Variants in FYN observed in about 807,000 individuals in gnomAD.
FYN encodes tyrosine-protein kinase Fyn.
In FYN, 10 loss-of-function variants were observed where a neutral mutation model predicts 70.2. The ratio of observed to expected loss-of-function variants is 0.14; its 90% CI spans 0.09 to 0.24. The LOEUF is 0.24. Ranked by LOEUF, FYN falls within the 10% of genes least tolerant of loss-of-function variation. The pLI, the probability that FYN is intolerant of heterozygous loss-of-function variation, is 1.00. For synonymous variants in FYN, 236 were observed against 248.6 expected (o/e 0.95, Z 0.48); for missense variants, 319 against 673.1 (o/e 0.47, Z 5.82).
intron 1 of FYN, chr6:111,858,218 G>A (rs531746344): frequency 2.0e-5 from 3 of 152,304 alleles, no homozygotes; most frequent in African/African-American, 7.2e-5. Context: ...CTACAAGGTG[G>A]TTTCCTTCCA....
At chr6:111,741,479 T>C (rs1276160465) in intron 3 of FYN, among the ~76,000 whole-genome samples, 1 of 152,136 alleles carries the variant, frequency 6.6e-6, no homozygotes, top group Non-Finnish European at 1.5e-5. Context: ...ATGTTGAGTT[T>C]TGGATGGTTT....
intron 10 of FYN, among the ~76,000 whole-genome samples, chr6:111,695,567 C>T (rs6903380): frequency 2.7e-3 from 408 of 152,068 alleles, no homozygotes; most frequent in South Asian, 7.7e-3. Flanking sequence ...AAGGACAAAC[C>T]GTTTGCCAGA....
chr6:111,798,288 C>G (rs762402225), intron 2 of FYN: 10 of 152,198 alleles, frequency 6.6e-5, no homozygotes, highest in Non-Finnish European at 4.4e-5. Flanking sequence ...CTCAACCACA[C>G]TGGCACATGT....
At chr6:111,688,712 A>G (rs1278570131) in intron 12 of FYN, among the ~76,000 whole-genome samples, 3 of 152,188 alleles carry the variant, frequency 2.0e-5, no homozygotes, top group Non-Finnish European at 4.4e-5. Flanking sequence ...AATGCTGAGA[A>G]GGCCCATCTG....
chr6:111,693,036 G>A (rs1459815689), intron 12 of FYN, among the ~76,000 whole-genome samples: 1 of 152,202 alleles, frequency 6.6e-6, no homozygotes, highest in African/African-American at 2.4e-5. Flanking sequence ...CACGTGTTGG[G>A]GAAATTCAAA....
At chr6:111,677,427 C>A (rs1034399115) in intron 12 of FYN, among the ~76,000 whole-genome samples, 4 of 152,212 alleles carry the variant, frequency 2.6e-5, no homozygotes, top group Non-Finnish European at 4.4e-5. Flanking sequence ...TGGCTTCCCA[C>A]CTCCTGAGGG....
rs939651820 is a variant in FYN, at chr6:111,692,103, C to CG, written c.1273+2271_1273+2272insC. On this transcript the variant is annotated intron_variant, in intron 12 of 13. Coordinates refer to ENST00000354650, the MANE Select transcript of FYN (RefSeq NM_002037.5). Reference sequence around the variant, plus strand: ...GACCTGCCTTGCCAAGCTTCATTTCCCCCCCCCCCAGTTCAGCTCTCCAGT... The same window carrying CG: ...GACCTGCCTTGCCAAGCTTCATTTCCGCCCCCCCCCAGTTCAGCTCTCCAGT... 3.6e-5 allele frequency among the ~76,000 whole-genome samples: 5 copies of CG among 139,000 alleles called. No homozygotes were observed. In the South Asian group the frequency reaches 7.6e-4, roughly 21 times the overall value. 91.2% of individuals were successfully genotyped at this position (139,000 alleles called of 152,430 possible). A position where few individuals can be genotyped will look rare whatever the true frequency, so the allele number is the denominator to read the frequency against.
At chr6:111,743,170 T>C (rs537060873) in intron 3 of FYN, among the ~76,000 whole-genome samples, 7 of 152,124 alleles carry the variant, frequency 4.6e-5, no homozygotes, top group Non-Finnish European at 1.0e-4. Flanking sequence ...TTTGGTTATG[T>C]TGGCCAGGCT....
At chr6:111,662,174 G>A (rs899284822) in intron 13 of FYN, among the ~76,000 whole-genome samples, 6 of 152,168 alleles carry the variant, frequency 3.9e-5, no homozygotes, top group African/African-American at 1.4e-4. Context: ...ATAAGTGAAG[G>A]AAGCCAGACA....
At chr6:111,718,437 C>T (rs1302507493) in intron 4 of FYN, among the ~76,000 whole-genome samples, 1 of 152,168 alleles carries the variant, frequency 6.6e-6, no homozygotes, top group Non-Finnish European at 1.5e-5. Context: ...ACGGTGGAGA[C>T]CCACATGCTC....
At chr6:111,850,376 TAGACACATCTTCAC>T (rs1773651381) in intron 1 of FYN, among the ~76,000 whole-genome samples, 1 of 152,260 alleles carries the variant, frequency 6.6e-6, no homozygotes, top group Non-Finnish European at 1.5e-5. Flanking sequence ...TGTACATTGC[TAGACACATCTTCAC>T]AGATTCACAT....
chr6:111,689,800 G>A (rs1054388738), intron 12 of FYN, among the ~76,000 whole-genome samples: 2 of 152,172 alleles, frequency 1.3e-5, no homozygotes, highest in African/African-American at 4.8e-5. Context: ...GGAATAAGGG[G>A]TCTTCTGGAG....
chr6:111,662,070 T>TC, intron 13 of FYN, 123 bp from the exon 14 acceptor site: 3 of 731,256 alleles, frequency 4.1e-6, no homozygotes, highest in South Asian at 1.9e-5. Flanking sequence ...AGTACTCCCA[T>TC]CCCCCCAGGA....
chr6:111,760,112 T>C (rs928486598), intron 3 of FYN, among the ~76,000 whole-genome samples: 2 of 152,000 alleles, frequency 1.3e-5, no homozygotes, highest in East Asian at 1.9e-4. Context: ...GCGTCACCCA[T>C]ACCGTACTGT....
At chr6:111,820,887 C>T (rs9372313) in intron 2 of FYN, among the ~76,000 whole-genome samples, 6,328 of 152,152 alleles carry the variant, frequency 0.042, 167 homozygotes, top group East Asian at 0.14. Flanking sequence ...AGCTATAAAA[C>T]GATCCTATTT....
At chr6:111,726,835 C>G (rs568279375) in intron 3 of FYN, among the ~76,000 whole-genome samples, 1 of 152,140 alleles carries the variant, frequency 6.6e-6, no homozygotes, top group Non-Finnish European at 1.5e-5. Flanking sequence ...ATGCTGTTCT[C>G]GTGATAGTGA....
intron 3 of FYN, among the ~76,000 whole-genome samples, chr6:111,724,794 C>G (rs77157769): frequency 0.011 from 1,667 of 152,264 alleles, 24 homozygotes; most frequent in African/African-American, 0.036. Context: ...CTCCAGCAGA[C>G]TTTGGAGAGT....
chr6:111,856,322 A>G (rs1222209326), intron 1 of FYN, among the ~76,000 whole-genome samples: 1 of 152,222 alleles, frequency 6.6e-6, no homozygotes, highest in Non-Finnish European at 1.5e-5. Context: ...ATAGAAGCCA[A>G]TCAAAGATAT....
chr6:111,778,229 G>A (rs1771027682), intron 3 of FYN, among the ~76,000 whole-genome samples: 1 of 152,180 alleles, frequency 6.6e-6, no homozygotes, highest in African/African-American at 2.4e-5. Context: ...GCCAGGCCCG[G>A]GAGATGGTAA....
Sources: allele counts gnomAD v4.1 joint callset (sites outside exome capture counted in the v4.1 genomes callset), GRCh38; gene constraint gnomAD v4.1.1; transcripts MANE v1.5; gene names NCBI Gene and HGNC (gene_info 2026-07-23, HGNC 2026-07-21).